The following TNFSF15 variants were observed in gnomAD, a reference collection of about 807,000 sequenced individuals.
TNFSF15 encodes the protein TNF superfamily member 15, also known as tumor necrosis factor ligand superfamily member 15.
A neutral mutation model predicts 26.4 loss-of-function variants in TNFSF15; 15 were observed. The ratio of observed to expected loss-of-function variants is 0.57; its 90% CI spans 0.38 to 0.87. The LOEUF is 0.87. Ranked by LOEUF, TNFSF15 falls within the 40% of genes least tolerant of loss-of-function variation. The probability of loss-of-function intolerance (pLI) is 0.00; values close to 1 mark genes in which losing one functional copy is unlikely to be tolerated. For synonymous variants in TNFSF15, 116 were observed against 115.0 expected (o/e 1.01, Z -0.06); for missense variants, 290 against 306.1 (o/e 0.95, Z 0.39).
rs201333233 is a variant in TNFSF15, at chr9:114,790,882, T to C, written c.326A>G (p.His109Arg). The C allele has an allele frequency of 1.1e-5, 17 of 1,614,020 alleles. No homozygotes were observed. The highest frequency in any genetic ancestry group is 1.4e-5 in the Non-Finnish European group (17 of 1,180,022). Reference protein sequence around the residue: ...LTVVRQTPTQHFKNQFPALHW... With the variant: ...LTVVRQTPTQRFKNQFPALHW... ...CAGAGCTGGGAACTGATTTTTAAAGTGCTGTGTGGGAGTTTGTCTCACAAC... is the reference window on the plus strand; with the variant it reads ...CAGAGCTGGGAACTGATTTTTAAAGCGCTGTGTGGGAGTTTGTCTCACAAC... The change falls in exon 4 of 4, where the codon CAC becomes CGC. Residue 109 changes from histidine to arginine, a missense_variant. Physicochemically the swap from His to Arg is conservative, Grantham distance 29. Transcript: ENST00000374045.
intron 1 of TNFSF15, 93 bp from the exon 2 acceptor site, chr9:114,793,661 T>C: frequency 8.1e-7 from 1 of 1,233,128 alleles, no homozygotes; most frequent in South Asian, 1.2e-5. Context: ...TTACAAAGCT[T>C]CTGCTGCCCA....
Position 114,789,488 on chromosome 9 carries a change from A to G in TNFSF15, c.*964T>C, listed in dbSNP as rs1003048586. The G allele has an allele frequency of 2.0e-5, 3 of 152,036 alleles. No individual in the cohort carries two copies. The highest frequency in any genetic ancestry group is 2.9e-5 in the Non-Finnish European group (2 of 68,042). 9.4% of individuals were successfully genotyped at this position (152,036 alleles called of 1,614,324 possible). On this transcript the variant is annotated 3_prime_UTR_variant, in exon 4 of 4. Transcript: ENST00000374045. The stretch of plus-strand genomic sequence containing the variant: ...CGCTACCACGCCCGGCTAATTTTGT[A>G]TTTTTAGTAGAGATGGGGTTTCTCC...
chr9:114,802,430 T>C (rs1412019799), intron 1 of TNFSF15, among the ~76,000 whole-genome samples: 1 of 152,092 alleles, frequency 6.6e-6, no homozygotes, highest in Non-Finnish European at 1.5e-5. Context: ...TTTTTGTATT[T>C]TTAGTAGAGA....
rs1332431946 is a variant in TNFSF15 at position 114,784,853 on chromosome 9, C to T, written c.*5599G>A. On this transcript the variant is annotated 3_prime_UTR_variant, in exon 4 of 4. Transcript: ENST00000374045. The stretch of plus-strand genomic sequence containing the variant: ...ACATAAAACATAAAATCAATGAAAG[C>T]ACATGGGGTTTGTCACTAAAACCAC... 1 of 152,212 alleles carries T rather than the reference C, an allele frequency of 6.6e-6. No homozygotes were observed. Among genetic ancestry groups the T allele is most frequent in the Non-Finnish European group, 1.5e-5 (1 of 68,034 alleles). 9.4% of individuals were successfully genotyped at this position (152,212 alleles called of 1,614,324 possible).
rs756034226 is a variant in TNFSF15, at chr9:114,790,703, C to T, written c.505G>A (p.Gly169Ser). 4.8e-5 allele frequency: 77 copies of T among 1,613,900 alleles called. No homozygotes were observed. The highest frequency in any genetic ancestry group is 6.1e-5 in the Non-Finnish European group (72 of 1,180,022). ...ATGGAGTCTGGCTTGTTTGGTCGGC[C>T]TGCTTGTCTGATTTCACTGCACTCA... is the stretch of plus-strand genomic sequence containing the variant. ...TSECSEIRQA[G>S]RPNKPDSITV... The change falls in exon 4 of 4, where the codon GGC becomes AGC. Residue 169 changes from glycine to serine, a missense_variant. Physicochemically the swap from Gly to Ser is moderately conservative, Grantham distance 56. Transcript: ENST00000374045.
intron 2 of TNFSF15, 126 bp from the exon 3 acceptor site, chr9:114,792,580 G>A (rs1485408794): frequency 6.5e-7 from 1 of 1,542,342 alleles, no homozygotes; most frequent in South Asian, 1.2e-5. Context: ...TTGGTCCAGT[G>A]CCACTCCTTG....
chr9:114,787,714 A>T lies in TNFSF15; in HGVS notation c.*2738T>A, dbSNP rs1449487355. ...ATGGAGATAATGCCTTGGGAACAGA[A>T]GTTCTGACATGAGCCCTATTAGGAA... On this transcript the variant is annotated 3_prime_UTR_variant, in exon 4 of 4. Coordinates refer to ENST00000374045, the MANE Select transcript of TNFSF15 (RefSeq NM_005118.4). The T allele has an allele frequency of 3.3e-5, 5 of 153,730 alleles. No homozygotes were observed. Among genetic ancestry groups the T allele is most frequent in the Non-Finnish European group, 7.3e-5 (5 of 68,044 alleles). 9.5% of individuals were successfully genotyped at this position (153,730 alleles called of 1,614,324 possible).
At position 114,802,339 on chromosome 9, in the gene TNFSF15, G is replaced by A. The variant is rs576353410; in HGVS notation, c.210+3464C>T. Reference sequence around the variant, plus strand: ...GTGATCTCAGCTCACTGCAACCTCCGCCTCCCGGGTTCAAGTGATTATCCT... The same window carrying A: ...GTGATCTCAGCTCACTGCAACCTCCACCTCCCGGGTTCAAGTGATTATCCT... On this transcript the variant is annotated intron_variant, in intron 1 of 3. Coordinates refer to ENST00000374045, the MANE Select transcript of TNFSF15 (RefSeq NM_005118.4). Among the ~76,000 whole-genome samples the A allele has an allele frequency of 1.3e-3, 192 of 152,172 alleles. 1 individual carries two copies. Among genetic ancestry groups the A allele is most frequent in the African/African-American group, 3.1e-3 (128 of 41,504 alleles).
chr9:114,793,573 T>G lies in TNFSF15; in HGVS notation c.211-5A>C, dbSNP rs1406619131. 2 of 1,613,646 alleles carry G rather than the reference T, an allele frequency of 1.2e-6. No homozygotes were observed. The highest frequency in any genetic ancestry group is 2.7e-5 in the African/African-American group (2 of 74,920). ...AAACTCCTGTCCTTTTAGAGCCTAT[T>G]GGGAAAGAAAGTATAGTTTAGACCA... On this transcript the variant is annotated splice_polypyrimidine_tract_variant and splice_region_variant and intron_variant, in intron 1 of 3. Transcript: ENST00000374045.
At chr9:114,804,025 AG>A (rs1219052598) in intron 1 of TNFSF15, among the ~76,000 whole-genome samples, 1 of 152,174 alleles carries the variant, frequency 6.6e-6, no homozygotes, top group African/African-American at 2.4e-5. Context: ...GTTTCTTTTC[AG>A]GACCCTGATT....
intron 3 of TNFSF15, chr9:114,792,131 T>A (rs1564344641): frequency 4.4e-6 from 2 of 458,474 alleles, no homozygotes; most frequent in South Asian, 4.4e-5. Context: ...GCAGCACTAT[T>A]CACAATCGCA....
chr9:114,793,558 C>A lies in TNFSF15; in HGVS notation c.221G>T (p.Gly74Val). 2 of 1,613,842 alleles carry A rather than the reference C, an allele frequency of 1.2e-6. No homozygotes were observed. Among genetic ancestry groups the A allele is most frequent in the South Asian group, 1.1e-5 (1 of 91,058 alleles). ...EACVQFQALK[G>V]QEFAPSHQQV... ...CTGATGTGAAGGTGCAAACTCCTGT[C>A]CTTTTAGAGCCTATTGGGAAAGAAA... The change falls in exon 2 of 4, where the codon GGA becomes GTA. Residue 74 changes from glycine to valine, a missense_variant. Transcript: ENST00000374045.
chr9:114,790,256 T>G lies in TNFSF15; in HGVS notation c.*196A>C, dbSNP rs187548359. On this transcript the variant is annotated 3_prime_UTR_variant, in exon 4 of 4. Transcript: ENST00000374045. ...ATATATTTGCTCTCTTCAGCCTTTT[T>G]CCAGTTAGTACTCTCATCAGTAAGG... 5.7e-6 allele frequency: 3 copies of G among 528,106 alleles called. No individual in the cohort carries two copies. Among genetic ancestry groups the G allele is most frequent in the South Asian group, 3.0e-5 (1 of 33,014 alleles). The allele number at this position is 528,106 out of a possible 1,614,324, so 32.7% of individuals were successfully genotyped here. A position where few individuals can be genotyped will look rare whatever the true frequency, so the allele number is the denominator to read the frequency against.
rs1218000940 is a variant in TNFSF15, at chr9:114,790,648, C to T, written c.560G>A (p.Ser187Asn). 2 of 1,613,956 alleles carry T rather than the reference C, an allele frequency of 1.2e-6. No homozygotes were observed. The highest frequency in any genetic ancestry group is 1.7e-6 in the Non-Finnish European group (2 of 1,179,998). ...GAGGAGCTGGGTTGGCTCAGGGTAG[C>T]TGTCTGTTACCTTGGTGATGACCAC... ...ITVVITKVTDSYPEPTQLLMG... is the reference protein window; with the variant it reads ...ITVVITKVTDNYPEPTQLLMG... The change falls in exon 4 of 4, where the codon AGC becomes AAC. Residue 187 changes from serine to asparagine, a missense_variant. By Grantham distance (46) the Ser-to-Asn change is conservative (BLOSUM62 1). Transcript: ENST00000374045.
rs897305228 is a variant in TNFSF15, at chr9:114,790,154, C to T, written c.*298G>A. 19 of 257,466 alleles carry T rather than the reference C, an allele frequency of 7.4e-5. No homozygotes were observed. Among genetic ancestry groups the T allele is most frequent in the African/African-American group, 3.3e-4 (15 of 45,118 alleles). 15.9% of individuals were successfully genotyped at this position (257,466 alleles called of 1,614,324 possible). A position where few individuals can be genotyped will look rare whatever the true frequency, so the allele number is the denominator to read the frequency against. On this transcript the variant is annotated 3_prime_UTR_variant, in exon 4 of 4. Coordinates refer to ENST00000374045, the MANE Select transcript of TNFSF15 (RefSeq NM_005118.4). ...AAATATTTCTCTTTCAATCCTGACC[C>T]GAGTAGATCATCCATTCATTTAGTG...
chr9:114,785,702 T>C lies in TNFSF15; in HGVS notation c.*4750A>G, dbSNP rs2131299542. ...GGGCAACCTTGTAACTGCAACTCTGTAGCCCTAGCTCTCTTCTCTGGGGAG... is the reference window on the plus strand; with the variant it reads ...GGGCAACCTTGTAACTGCAACTCTGCAGCCCTAGCTCTCTTCTCTGGGGAG... On this transcript the variant is annotated 3_prime_UTR_variant, in exon 4 of 4. Transcript: ENST00000374045. The C allele has an allele frequency of 6.6e-6, 1 of 152,340 alleles. No individual in the cohort carries two copies. The highest frequency in any genetic ancestry group is 6.5e-5 in the Admixed American group (1 of 15,302). The allele number at this position is 152,340 out of a possible 1,614,324, so 9.4% of individuals were successfully genotyped here.
At chr9:114,802,247 TTTTTTG>T (rs1587902182) in intron 1 of TNFSF15, among the ~76,000 whole-genome samples, 3 of 152,204 alleles carry the variant, frequency 2.0e-5, no homozygotes, top group South Asian at 4.1e-4. Context: ...GACTTTGGTT[TTTTTTG>T]TTTTTGTTTT....
rs1829561827 is a variant in TNFSF15, at chr9:114,789,699, T to C, written c.*753A>G. On this transcript the variant is annotated 3_prime_UTR_variant, in exon 4 of 4. Transcript: ENST00000374045. ...GTGTTCATATAAATTTTGAGTGGAG[T>C]CTGTCTTGTTTTTCATAGTGTCTTC... The C allele has an allele frequency of 6.6e-6, 1 of 152,220 alleles. No homozygotes were observed. Among genetic ancestry groups the C allele is most frequent in the African/African-American group, 2.4e-5 (1 of 41,414 alleles). The allele number at this position is 152,220 out of a possible 1,614,324, so 9.4% of individuals were successfully genotyped here.
Position 114,806,014 on chromosome 9 carries a change from C to A in TNFSF15, c.-2G>T. ...GCTCAGTCCCAGATCCTCGGCCATG[C>A]TCCTGCTGCTCCTGGAGGCACCTCT... On this transcript the variant is annotated 5_prime_UTR_variant, in exon 1 of 4. Coordinates refer to ENST00000374045, the MANE Select transcript of TNFSF15 (RefSeq NM_005118.4). 6.2e-7 allele frequency: 1 copy of A among 1,613,082 alleles called. No individual in the cohort carries two copies. Among genetic ancestry groups the A allele is most frequent in the Non-Finnish European group, 8.5e-7 (1 of 1,179,556 alleles).
Sources: allele counts gnomAD v4.1 joint callset (sites outside exome capture counted in the v4.1 genomes callset), GRCh38; gene constraint gnomAD v4.1.1; transcripts MANE v1.5; gene names NCBI Gene and HGNC (gene_info 2026-07-23, HGNC 2026-07-21).